UBE2L6: variants seen among roughly 807,000 people sequenced by gnomAD.
The protein encoded by UBE2L6 is ubiquitin/ISG15-conjugating enzyme E2 L6.
Under a neutral mutation model 13.6 loss-of-function variants are expected in UBE2L6, and 11 were observed. That is an observed-to-expected ratio of 0.81 (90% CI 0.51 to 1.34). The LOEUF is 1.34. Ranked by LOEUF, UBE2L6 falls within the 40% of genes most tolerant of loss-of-function variation. The probability of loss-of-function intolerance (pLI) is 0.00; values close to 1 mark genes in which losing one functional copy is unlikely to be tolerated. For missense variants in UBE2L6, 197 were observed against 199.5 expected, an observed-to-expected ratio of 0.99 and a Z score of 0.07; for synonymous variants, 74 against 83.2, an observed-to-expected ratio of 0.89 and a Z score of 0.60.
intron 1 of UBE2L6, among the ~76,000 whole-genome samples, chr11:57,563,154 T>G (rs1945059612): frequency 1.3e-5 from 2 of 151,688 alleles, no homozygotes; most frequent in Admixed American, 1.3e-4. Flanking sequence ...ACAAATAAAT[T>G]GAAATAATTA....
intron 1 of UBE2L6, among the ~76,000 whole-genome samples, chr11:57,561,017 G>A (rs1945041909): frequency 6.6e-6 from 1 of 152,148 alleles, no homozygotes; most frequent in South Asian, 2.1e-4. Context: ...ACTTCTCCCA[G>A]ATATTAAAAC....
chr11:57,566,008 C>A (rs1021204653), intron 1 of UBE2L6, among the ~76,000 whole-genome samples: 4 of 150,832 alleles, frequency 2.7e-5, no homozygotes, highest in African/African-American at 9.8e-5. Context: ...AACCAATAAG[C>A]TGCTTCTGGT....
At chr11:57,566,239 T>C (rs1253381563) in intron 1 of UBE2L6, among the ~76,000 whole-genome samples, 1 of 152,208 alleles carries the variant, frequency 6.6e-6, no homozygotes, top group African/African-American at 2.4e-5. Flanking sequence ...TCCCAAAGCC[T>C]GAGGAAGTTG....
chr11:57,563,630 A>G (rs1945063788), intron 1 of UBE2L6, among the ~76,000 whole-genome samples: 1 of 151,712 alleles, frequency 6.6e-6, no homozygotes, highest in Non-Finnish European at 1.5e-5. Context: ...CAAAATAATA[A>G]AAGAATAAAC....
intron 2 of UBE2L6, among the ~76,000 whole-genome samples, 179 bp downstream of exon 2, chr11:57,560,158 C>T (rs892201704): frequency 6.6e-6 from 1 of 152,174 alleles, no homozygotes; most frequent in Non-Finnish European, 1.5e-5. Context: ...GAAGGTGAAC[C>T]TCAGAAGTAT....
At chr11:57,556,143 C>A (rs914844921) in intron 2 of UBE2L6, among the ~76,000 whole-genome samples, 1 of 152,006 alleles carries the variant, frequency 6.6e-6, no homozygotes, top group Non-Finnish European at 1.5e-5. Context: ...ACACAGACTC[C>A]GGAGCCACCC....
At position 57,552,314 on chromosome 11, in the gene UBE2L6, T is replaced by C. The variant is rs1332545944; in HGVS notation, c.*44A>G. 1 of 1,609,690 alleles carries C rather than the reference T, an allele frequency of 6.2e-7. No individual in the cohort carries two copies. The highest frequency in any genetic ancestry group is 1.1e-5 in the South Asian group (1 of 90,662). ...GGCCTCAGTCCATGAGGTGTGTCCGTCCGCTATGCCGAGGATCCAGTGCAC... is the reference window on the plus strand; with the variant it reads ...GGCCTCAGTCCATGAGGTGTGTCCGCCCGCTATGCCGAGGATCCAGTGCAC... On this transcript the variant is annotated 3_prime_UTR_variant, in exon 4 of 4. Coordinates refer to ENST00000287156, the MANE Select transcript of UBE2L6 (RefSeq NM_004223.5).
chr11:57,560,658 T>C (rs1397154408), intron 1 of UBE2L6: 3 of 404,748 alleles, frequency 7.4e-6, no homozygotes, highest in South Asian at 5.7e-5. Flanking sequence ...TCTCGCTCTG[T>C]TGCCCAGGCT....
At chr11:57,554,047 A>G (rs2649655) in intron 3 of UBE2L6, among the ~76,000 whole-genome samples, 69,403 of 151,974 alleles carry the variant, frequency 0.46, 16,260 homozygotes, top group East Asian at 0.74. Context: ...GAAAGTGCTC[A>G]GTCAAGTGAC....
intron 2 of UBE2L6, among the ~76,000 whole-genome samples, chr11:57,555,730 CCAT>C (rs1437523267): frequency 6.6e-6 from 1 of 152,132 alleles, no homozygotes; most frequent in Non-Finnish European, 1.5e-5. Flanking sequence ...GGGCCCACCA[CCAT>C]ATCTGGCTAA....
In UBE2L6 at chr11:57,560,326, T is replaced by C. The variant is rs1237119468; in HGVS notation, c.123+11A>G. 3 of 1,612,440 alleles carry C rather than the reference T, an allele frequency of 1.9e-6. No individual in the cohort carries two copies. The highest frequency in any genetic ancestry group is 2.2e-5 in the East Asian group (1 of 44,874). ...CCCCAATCCAAAGCCATGGTCCCCA[T>C]GGATACTCACGGGTAGGAGGAGAGC... On this transcript the variant is annotated intron_variant, in intron 2 of 3. Coordinates refer to ENST00000287156, the MANE Select transcript of UBE2L6 (RefSeq NM_004223.5).
chr11:57,563,845 T>C lies in UBE2L6; in HGVS notation c.28-3413A>G, dbSNP rs575464104. On this transcript the variant is annotated intron_variant, in intron 1 of 3. Coordinates refer to ENST00000287156, the MANE Select transcript of UBE2L6 (RefSeq NM_004223.5). ...TGAACCCAGGAGGCAGAGCTTGCAGTGAGCCAAGATTGTGCCACTGCACTC... is the reference window on the plus strand; with the variant it reads ...TGAACCCAGGAGGCAGAGCTTGCAGCGAGCCAAGATTGTGCCACTGCACTC... 1.5e-3 allele frequency among the ~76,000 whole-genome samples: 228 copies of C among 151,896 alleles called. 1 individual carries two copies. The highest frequency in any genetic ancestry group is 5.3e-3 in the African/African-American group (221 of 41,398).
At chr11:57,562,065 C>G (rs1945052031) in intron 1 of UBE2L6, among the ~76,000 whole-genome samples, 1 of 152,218 alleles carries the variant, frequency 6.6e-6, no homozygotes, top group Admixed American at 6.5e-5. Context: ...AAAGAATTAT[C>G]TGGCCGAACA....
chr11:57,564,758 G>A (rs1007914900), intron 1 of UBE2L6, among the ~76,000 whole-genome samples: 5 of 151,776 alleles, frequency 3.3e-5, no homozygotes, highest in South Asian at 2.1e-4. Flanking sequence ...AGCTGAGATC[G>A]TGCCATTGCA....
chr11:57,554,337 C>T (rs1590807434), intron 3 of UBE2L6, 100 bp downstream of exon 3: 7 of 1,419,994 alleles, frequency 4.9e-6, no homozygotes, highest in African/African-American at 4.3e-5. Context: ...TTTTTATCTC[C>T]TCTCTTTGGG....
chr11:57,567,540 A>T (rs760623184), intron 1 of UBE2L6, 45 bp downstream of exon 1: 8 of 1,598,552 alleles, frequency 5.0e-6, no homozygotes, highest in African/African-American at 1.3e-5. Context: ...GGAATGCGGG[A>T]GGCGAGGGGA....
At position 57,559,400 on chromosome 11, in the gene UBE2L6, C is replaced by T. The variant is rs150185694; in HGVS notation, c.123+937G>A. On this transcript the variant is annotated intron_variant, in intron 2 of 3. Transcript: ENST00000287156. ...CCGAGGTGGGCAGATCACTTGAGGC[C>T]AGGAGTTTGAGACCAGCCTGGCCAA... 1.2e-3 allele frequency among the ~76,000 whole-genome samples: 189 copies of T among 152,244 alleles called. 1 individual carries two copies. Among genetic ancestry groups the T allele is most frequent in the African/African-American group, 4.5e-3 (185 of 41,536 alleles).
intron 3 of UBE2L6, among the ~76,000 whole-genome samples, chr11:57,553,587 G>A (rs1284345184): frequency 6.6e-6 from 1 of 152,222 alleles, no homozygotes; most frequent in Admixed American, 6.5e-5. Flanking sequence ...CCAGCACTCT[G>A]GGAGGCGGAG....
In UBE2L6 at chr11:57,552,402, C is replaced by A; in HGVS notation, c.418G>T (p.Ala140Ser). 6.2e-7 allele frequency: 1 copy of A among 1,614,190 alleles called. No homozygotes were observed. Among genetic ancestry groups the A allele is most frequent in the South Asian group, 1.1e-5 (1 of 91,078 alleles). The change falls in exon 4 of 4, where the codon GCC (alanine) becomes TCC (serine). Residue 140 changes from alanine to serine, a missense_variant. By Grantham distance (99) the Ala-to-Ser change is moderately conservative. Transcript: ENST00000287156. ...CCGAATCGGAGGGTGAACTCTTCGGCATTCTTTCTGAACAGCTCCGGATTC... is the reference window on the plus strand; with the variant it reads ...CCGAATCGGAGGGTGAACTCTTCGGAATTCTTTCTGAACAGCTCCGGATTC... ...TQNPELFRKNAEEFTLRFGVD... is the reference protein window; with the variant it reads ...TQNPELFRKNSEEFTLRFGVD...
Sources: allele counts gnomAD v4.1 joint callset (sites outside exome capture counted in the v4.1 genomes callset), GRCh38; gene constraint gnomAD v4.1.1; transcripts MANE v1.5; gene names NCBI Gene and HGNC (gene_info 2026-07-23, HGNC 2026-07-21).